Variants in SNTB1 observed in about 807,000 individuals in gnomAD.
SNTB1 encodes beta-1-syntrophin.
A neutral mutation model predicts 48.9 loss-of-function variants in SNTB1; 36 were observed. The observed-to-expected ratio is 0.74, with a 90% CI of 0.56 to 0.97. SNTB1 has a LOEUF of 0.97. Among genes scored for constraint, SNTB1 ranks in the 50% least tolerant of loss-of-function variants. SNTB1 has a pLI of 0.00. For missense variants in SNTB1, 786 were observed against 703.4 expected (o/e 1.12, Z -1.33); for synonymous variants, 299 against 294.6 (o/e 1.01, Z -0.15).
intron 1 of SNTB1, among the ~76,000 whole-genome samples, chr8:120,737,435 C>T (rs948741793): frequency 2.0e-5 from 3 of 152,022 alleles, no homozygotes; most frequent in Admixed American, 1.3e-4. Context: ...AAGGAACATA[C>T]TAAGAGAGGA....
intron 1 of SNTB1, among the ~76,000 whole-genome samples, chr8:120,739,849 G>A (rs191857951): frequency 8.5e-5 from 13 of 152,212 alleles, no homozygotes; most frequent in East Asian, 3.9e-4. Flanking sequence ...GGGAAGTGTC[G>A]CTATTACTCC....
intron 5 of SNTB1, chr8:120,542,238 C>A: frequency 2.3e-6 from 1 of 441,168 alleles, no homozygotes; most frequent in East Asian, 4.0e-5. Context: ...TTTCTAGGAT[C>A]TACTGAATGT....
intron 3 of SNTB1, among the ~76,000 whole-genome samples, chr8:120,614,976 TAAAAAAA>T (rs61318757): frequency 9.6e-5 from 7 of 73,270 alleles, no homozygotes; most frequent in Middle Eastern, 0.013. Context: ...TCACCTCTAC[TAAAAAAA>T]AAAAAAAAAA....
chr8:120,648,683 G>C (rs146927867), intron 2 of SNTB1, among the ~76,000 whole-genome samples: 98,772 of 150,338 alleles, frequency 0.66, 34,111 homozygotes, highest in Middle Eastern at 0.79. Context: ...TTGTGGCGTT[G>C]TCTGTATTTC....
chr8:120,701,354 A>G (rs1421864839), intron 1 of SNTB1, among the ~76,000 whole-genome samples: 1 of 152,164 alleles, frequency 6.6e-6, no homozygotes, highest in Non-Finnish European at 1.5e-5. Context: ...TGGGCAAGTC[A>G]CTTCCCTTGC....
chr8:120,779,704 C>G (rs1340043677), intron 1 of SNTB1, among the ~76,000 whole-genome samples: 3 of 152,060 alleles, frequency 2.0e-5, no homozygotes, highest in Non-Finnish European at 4.4e-5. Flanking sequence ...TAGGCAGGGA[C>G]AGAGCCGGAG....
At chr8:120,602,334 T>C (rs1372836317) in intron 3 of SNTB1, among the ~76,000 whole-genome samples, 1 of 152,234 alleles carries the variant, frequency 6.6e-6, no homozygotes, top group Non-Finnish European at 1.5e-5. Context: ...CACTGTTTGG[T>C]CAAATATCAG....
chr8:120,788,636 A>T (rs1290576178), intron 1 of SNTB1, among the ~76,000 whole-genome samples: 1 of 152,036 alleles, frequency 6.6e-6, no homozygotes, highest in Admixed American at 6.6e-5. Flanking sequence ...GCACAAGGAA[A>T]AGACAAAGAA....
At chr8:120,553,751 C>A (rs1280772813) in intron 4 of SNTB1, among the ~76,000 whole-genome samples, 1 of 152,174 alleles carries the variant, frequency 6.6e-6, no homozygotes, top group African/African-American at 2.4e-5. Flanking sequence ...GTAATCTCAG[C>A]ACTTTGGGAA....
At chr8:120,572,335 T>C (rs1356897571) in intron 4 of SNTB1, among the ~76,000 whole-genome samples, 1 of 152,194 alleles carries the variant, frequency 6.6e-6, no homozygotes, top group African/African-American at 2.4e-5. Context: ...TCAACAGACA[T>C]TCAAGGGCAC....
chr8:120,680,240 C>A lies in SNTB1; in HGVS notation c.788+13452G>T, dbSNP rs565343113. On this transcript the variant is annotated intron_variant, in intron 2 of 6. Transcript: ENST00000517992. ...TTCTATGATATTGTTTGCTTAATTA[C>A]CAACTTACTTGTAGATATTCCCTAC... is the stretch of plus-strand genomic sequence containing the variant. 3.3e-5 allele frequency among the ~76,000 whole-genome samples: 5 copies of A among 152,296 alleles called. No homozygotes were observed. The South Asian group carries it at 1.0e-3, about 32-fold the overall frequency.
chr8:120,665,555 C>T (rs2129764984), intron 2 of SNTB1, among the ~76,000 whole-genome samples: 1 of 152,256 alleles, frequency 6.6e-6, no homozygotes, highest in Non-Finnish European at 1.5e-5. Context: ...TTTTTATTCT[C>T]TCAATAATAG....
At chr8:120,681,412 C>CTA (rs1238172710) in intron 2 of SNTB1, among the ~76,000 whole-genome samples, 1 of 152,146 alleles carries the variant, frequency 6.6e-6, no homozygotes, top group Non-Finnish European at 1.5e-5. Context: ...GTATAAAATG[C>CTA]TATAACCTAA....
intron 3 of SNTB1, among the ~76,000 whole-genome samples, chr8:120,592,917 A>C (rs767330675): frequency 1.7e-4 from 26 of 152,098 alleles, no homozygotes; most frequent in Non-Finnish European, 3.2e-4. Context: ...CGTTCTGTAA[A>C]TATTTCTGCA....
At chr8:120,712,494 A>G (rs1200676334) in intron 1 of SNTB1, among the ~76,000 whole-genome samples, 1 of 152,118 alleles carries the variant, frequency 6.6e-6, no homozygotes, top group Non-Finnish European at 1.5e-5. Context: ...AAATTTTTCA[A>G]CAATTCCTGT....
At chr8:120,757,962 A>G (rs1040783954) in intron 1 of SNTB1, among the ~76,000 whole-genome samples, 1 of 152,188 alleles carries the variant, frequency 6.6e-6, no homozygotes, top group Non-Finnish European at 1.5e-5. Context: ...AAAGAAAAGT[A>G]GTAACAGCAG....
intron 1 of SNTB1, among the ~76,000 whole-genome samples, chr8:120,802,597 A>G (rs1303358378): frequency 6.6e-6 from 1 of 152,104 alleles, no homozygotes; most frequent in African/African-American, 2.4e-5. Context: ...TCCATTCCCT[A>G]TATGGCAAAT....
intron 3 of SNTB1, among the ~76,000 whole-genome samples, chr8:120,614,625 C>T (rs1816681072): frequency 6.6e-6 from 1 of 152,206 alleles, no homozygotes; most frequent in African/African-American, 2.4e-5. Flanking sequence ...CTTAAATCTA[C>T]TGTTACTCAA....
chr8:120,803,536 C>A (rs1563608104), intron 1 of SNTB1, among the ~76,000 whole-genome samples: 2 of 152,068 alleles, frequency 1.3e-5, no homozygotes, highest in Non-Finnish European at 2.9e-5. Context: ...GCTTAGTAGG[C>A]CAGTAGCTAC....
Sources: gnomAD v4.1 joint callset for allele counts (sites outside exome capture counted in the v4.1 genomes callset) on GRCh38, gnomAD v4.1.1 for gene constraint, MANE v1.5 for transcripts, NCBI Gene and HGNC (gene_info 2026-07-23, HGNC 2026-07-21) for gene names.